PIGZ: variants seen among roughly 807,000 people sequenced by gnomAD.
PIGZ encodes the protein GPI alpha-1,2-mannosyltransferase 4.
Under a neutral mutation model 16.4 loss-of-function variants are expected in PIGZ, and 16 were observed. The observed-to-expected ratio is 0.97, with a 90% CI of 0.66 to 1.48. The LOEUF (loss-of-function observed/expected upper bound fraction) is 1.48, where lower values mean the gene tolerates loss of function less well. Among genes scored for constraint, PIGZ ranks in the 40% most tolerant of loss-of-function variants. The pLI, the probability that PIGZ is intolerant of heterozygous loss-of-function variation, is 0.00. For synonymous variants in PIGZ, 409 were observed against 338.4 expected, an observed-to-expected ratio of 1.21 and a Z score of -2.29; for missense variants, 770 against 739.2, an observed-to-expected ratio of 1.04 and a Z score of -0.48.
In PIGZ at chr3:196,951,810, C is replaced by G; in HGVS notation, c.211+11G>C. The G allele has an allele frequency of 6.2e-7, 1 of 1,613,772 alleles. No individual in the cohort carries two copies. Among genetic ancestry groups the G allele is most frequent in the South Asian group, 1.1e-5 (1 of 91,006 alleles). ...CTGCAGCTTGTCTCAGCCACACATG[C>G]GGAGTTTTACCTGCCATCACCTCAG... On this transcript the variant is annotated intron_variant, in intron 2 of 2. Coordinates refer to ENST00000412723, the MANE Select transcript of PIGZ (RefSeq NM_025163.4).
chr3:196,957,855 G>A (rs1235243774), intron 1 of PIGZ, among the ~76,000 whole-genome samples: 1 of 152,022 alleles, frequency 6.6e-6, no homozygotes, highest in East Asian at 1.9e-4. Flanking sequence ...CAACTTTGAG[G>A]GTATCTACAA....
At chr3:196,960,737 G>GAAAGAAAGAA (rs772698961) in intron 1 of PIGZ, among the ~76,000 whole-genome samples, 4 of 140,394 alleles carry the variant, frequency 2.8e-5, no homozygotes, top group South Asian at 2.3e-4. Context: ...AAGAAAGAAA[G>GAAAGAAAGAA]AGAAAGAAAG....
At chr3:196,951,250 G>T (rs1309618719) in intron 2 of PIGZ, among the ~76,000 whole-genome samples, 1 of 152,162 alleles carries the variant, frequency 6.6e-6, no homozygotes, top group African/African-American at 2.4e-5. Context: ...AGGCTTGATG[G>T]CTGGAGCTCA....
intron 1 of PIGZ, among the ~76,000 whole-genome samples, chr3:196,966,107 C>CCTCT (rs567315374): frequency 3.7e-4 from 57 of 152,314 alleles, no homozygotes; most frequent in African/African-American, 1.3e-3. Flanking sequence ...TTTCTGCAGC[C>CCTCT]CTCTCCTCTA....
chr3:196,947,338 AAGAGGCGGC>A lies in PIGZ; in HGVS notation c.1550_1558del (p.Cys517_Leu519del). The A allele has an allele frequency of 1.2e-6, 2 of 1,614,216 alleles. No homozygotes were observed. Among genetic ancestry groups the A allele is most frequent in the Non-Finnish European group, 1.7e-6 (2 of 1,180,040 alleles). On this transcript the variant is annotated inframe_deletion, in exon 3 of 3. Coordinates refer to ENST00000412723, the MANE Select transcript of PIGZ (RefSeq NM_025163.4). ...CCTGGTGGTGCCAGGGGTTACCACA[AAGAGGCGGC>A]AGAGCCATGGCCCACCAGCCACTTG...
chr3:196,956,447 G>C (rs1055816151), intron 1 of PIGZ, among the ~76,000 whole-genome samples: 1 of 152,184 alleles, frequency 6.6e-6, no homozygotes, highest in Non-Finnish European at 1.5e-5. Context: ...ATCAGATCTC[G>C]TGAGACCTAT....
At chr3:196,948,805 T>C in intron 2 of PIGZ, 120 bp from the exon 3 acceptor site, 1 of 634,928 alleles carries the variant, frequency 1.6e-6, no homozygotes, top group Non-Finnish European at 2.4e-6. Flanking sequence ...TCCCTGGGAC[T>C]GTGCACGGGC....
In PIGZ at chr3:196,949,028, T is replaced by TC. The variant is rs1467456649; in HGVS notation, c.212-344dup. Among the ~76,000 whole-genome samples, 5 of 24,218 alleles carry TC rather than the reference T, an allele frequency of 2.1e-4. 1 individual carries two copies. The highest frequency in any genetic ancestry group is 3.2e-4 in the Non-Finnish European group (5 of 15,566). The allele number at this position is 24,218 out of a possible 152,430, so 15.9% of individuals were successfully genotyped here. On this transcript the variant is annotated intron_variant, in intron 2 of 2. Transcript: ENST00000412723. Reference sequence around the variant, plus strand: ...TCTCTTTCCCTCCCCTCCCTTCCCTTCCTTCCCTTCCTTCCTTCCCTTCCC... The same window carrying TC: ...TCTCTTTCCCTCCCCTCCCTTCCCTTCCCTTCCCTTCCTTCCTTCCCTTCCC...
intron 1 of PIGZ, among the ~76,000 whole-genome samples, chr3:196,957,074 T>C (rs1577892587): frequency 6.6e-6 from 1 of 152,200 alleles, no homozygotes. Context: ...GGCAAATTTC[T>C]TAGTTCCTCT....
chr3:196,954,847 G>C (rs1717417719), intron 1 of PIGZ, among the ~76,000 whole-genome samples: 1 of 152,074 alleles, frequency 6.6e-6, no homozygotes, highest in Non-Finnish European at 1.5e-5. Flanking sequence ...GGATGCTTGA[G>C]AACACCATAC....
intron 1 of PIGZ, among the ~76,000 whole-genome samples, chr3:196,961,175 CT>C (rs1717709285): frequency 1.3e-5 from 2 of 152,152 alleles, no homozygotes; most frequent in African/African-American, 4.8e-5. Context: ...CTTTCTAACC[CT>C]GAGTCATAAT....
Position 196,947,473 on chromosome 3 carries a change from A to G in PIGZ, c.1424T>C (p.Leu475Pro), listed in dbSNP as rs1716946125. ...TYMPPRHLLH[L>P]PGLGAPVEVV... is the part of the protein sequence containing the mutation. ...CTCCACTGGTGCCCCCAGGCCTGGGAGGTGTAGGAGGTGCCGGGGGGGCAT... is the reference window on the plus strand; with the variant it reads ...CTCCACTGGTGCCCCCAGGCCTGGGGGGTGTAGGAGGTGCCGGGGGGGCAT... The change falls in exon 3 of 3, where the codon CTC becomes CCC. Residue 475 changes from leucine (L) to proline (P), a missense_variant. Transcript: ENST00000412723. 4 of 1,613,246 alleles carry G rather than the reference A, an allele frequency of 2.5e-6. No individual in the cohort carries two copies. The highest frequency in any genetic ancestry group is 1.3e-5 in the African/African-American group (1 of 74,838).
chr3:196,951,012 C>A (rs996061107), intron 2 of PIGZ, among the ~76,000 whole-genome samples: 1 of 152,214 alleles, frequency 6.6e-6, no homozygotes, highest in Non-Finnish European at 1.5e-5. Context: ...TCCCAGAGTG[C>A]TGGGATTACA....
At chr3:196,948,857 C>CCCTTCCTTT (rs879820383) in intron 2 of PIGZ, among the ~76,000 whole-genome samples, 172 bp from the exon 3 acceptor site, 4,634 of 118,910 alleles carry the variant, frequency 0.039, 575 homozygotes, top group Middle Eastern at 0.077. Flanking sequence ...CTCCTTCTTT[C>CCCTTCCTTT]CCTTCCTTCC....
chr3:196,949,036 T>C (rs1331663051), intron 2 of PIGZ, among the ~76,000 whole-genome samples: 1 of 36,306 alleles, frequency 2.8e-5, no homozygotes, highest in African/African-American at 1.5e-4. Context: ...CTTCCTTCCC[T>C]TCCTTCCTTC....
chr3:196,968,032 G>T (rs985280659), intron 1 of PIGZ, among the ~76,000 whole-genome samples: 1 of 152,370 alleles, frequency 6.6e-6, no homozygotes, highest in Admixed American at 6.5e-5. Context: ...CCTCATTACA[G>T]AACTTTCCCG....
chr3:196,949,877 C>G (rs773329858), intron 2 of PIGZ, among the ~76,000 whole-genome samples: 3 of 151,880 alleles, frequency 2.0e-5, no homozygotes, highest in African/African-American at 4.8e-5. Context: ...TTGACAGAGC[C>G]GCATCTCTGA....
In PIGZ at chr3:196,951,962, A is replaced by G; in HGVS notation, c.70T>C (p.Cys24Arg). The G allele has an allele frequency of 1.2e-6, 2 of 1,614,242 alleles. No individual in the cohort carries two copies. Among genetic ancestry groups the G allele is most frequent in the Non-Finnish European group, 1.7e-6 (2 of 1,180,042 alleles). Residue 24 changes from cysteine to arginine, a missense_variant, in exon 2 of 3, where the codon TGT becomes CGT. By Grantham distance (180) the Cys-to-Arg change is radical. Coordinates refer to ENST00000412723, the MANE Select transcript of PIGZ (RefSeq NM_025163.4). ...ATCTTCAGATCCAGTTGTTGCCAAC[A>G]CACCGGGCCCAAAACCTGGAATGAT... ...GTSFQVLGPV[C>R]WQQLDLKMAV... is the part of the protein sequence containing the mutation.
chr3:196,963,665 C>T (rs903401785), intron 1 of PIGZ, among the ~76,000 whole-genome samples: 9 of 152,362 alleles, frequency 5.9e-5, no homozygotes, highest in South Asian at 2.1e-4. Flanking sequence ...AGACTCACCT[C>T]CTGGGTTGGA....
Sources: gnomAD v4.1 joint callset for allele counts (sites outside exome capture counted in the v4.1 genomes callset) on GRCh38, gnomAD v4.1.1 for gene constraint, MANE v1.5 for transcripts, NCBI Gene and HGNC (gene_info 2026-07-23, HGNC 2026-07-21) for gene names.